Variants in CASK observed in about 807,000 individuals in gnomAD.
CASK encodes calcium/calmodulin dependent serine protein kinase.
Under a neutral mutation model 82.9 loss-of-function variants are expected in CASK, and 4 were observed. The observed-to-expected ratio is 0.05, with a 90% confidence interval of 0.02 to 0.11. The LOEUF is 0.11. Ranked by LOEUF, CASK falls within the 10% of genes least tolerant of loss-of-function variation. CASK has a pLI of 1.00. For synonymous variants in CASK, 259 were observed against 253.5 expected, an observed-to-expected ratio of 1.02 and a Z score of -0.20; for missense variants, 358 against 720.9, an observed-to-expected ratio of 0.50 and a Z score of 5.76.
Position 41,896,838 on chromosome X carries a change from T to C in CASK, c.59+26092A>G, listed in dbSNP as rs756502852. 7.2e-5 allele frequency among the ~76,000 whole-genome samples: 8 copies of C among 111,850 alleles called. No homozygotes were observed. The South Asian group carries it at 1.9e-3, about 26-fold the overall frequency. ...TTATTTTCAAATGTACAATAAATTATTGTTGACTGTAATCACCCTGTTGTG... is the reference window on the plus strand; with the variant it reads ...TTATTTTCAAATGTACAATAAATTACTGTTGACTGTAATCACCCTGTTGTG... On this transcript the variant is annotated intron_variant, in intron 1 of 26. Coordinates refer to ENST00000378163, the MANE Select transcript of CASK (RefSeq NM_001367721.1).
intron 4 of CASK, among the ~76,000 whole-genome samples, chrX:41,741,359 T>G (rs2068595095): frequency 8.9e-6 from 1 of 112,155 alleles, no homozygotes; most frequent in African/African-American, 3.2e-5. Flanking sequence ...ATATTATTAT[T>G]GTTAAGTTCA....
chrX:41,686,834 G>T (rs954940849), intron 5 of CASK, among the ~76,000 whole-genome samples: 1 of 111,880 alleles, frequency 8.9e-6, no homozygotes, highest in African/African-American at 3.2e-5. Context: ...CACCAAACAA[G>T]CGTATACATT....
At chrX:41,638,445 T>C (rs781775434) in intron 8 of CASK, among the ~76,000 whole-genome samples, 1 of 110,594 alleles carries the variant, frequency 9.0e-6, no homozygotes, top group African/African-American at 3.3e-5. Context: ...CCCAGCTACT[T>C]GGGAGGCTGA....
At chrX:41,910,963 T>G (rs2072553882) in intron 1 of CASK, among the ~76,000 whole-genome samples, 1 of 111,917 alleles carries the variant, frequency 8.9e-6, no homozygotes, top group African/African-American at 3.2e-5. Flanking sequence ...AAATGTTATG[T>G]ATGTTGATTA....
chrX:41,758,041 T>C (rs746628629), intron 3 of CASK, among the ~76,000 whole-genome samples: 9 of 112,354 alleles, frequency 8.0e-5, no homozygotes, highest in Non-Finnish European at 1.7e-4. Flanking sequence ...TTTCATTCAG[T>C]ATTCAATCAT....
intron 18 of CASK, chrX:41,559,577 G>C (rs2065199320): frequency 4.3e-6 from 2 of 462,491 alleles, no homozygotes; most frequent in Non-Finnish European, 7.8e-6. Context: ...AAAGTTCAAA[G>C]TGCTGAGGAG....
At chrX:41,644,944 G>C (rs1261132173) in intron 8 of CASK, among the ~76,000 whole-genome samples, 1 of 111,549 alleles carries the variant, frequency 9.0e-6, no homozygotes, top group Non-Finnish European at 1.9e-5. Flanking sequence ...AATGACAATA[G>C]TGCCTGAAAC....
At chrX:41,848,479 T>A (rs775427551) in intron 2 of CASK, among the ~76,000 whole-genome samples, 2 of 111,920 alleles carry the variant, frequency 1.8e-5, no homozygotes, top group South Asian at 7.5e-4. Context: ...TGCCAGGTGA[T>A]CTCTGTACAC....
At chrX:41,883,623 G>A (rs1002386254) in intron 1 of CASK, among the ~76,000 whole-genome samples, 32 of 111,198 alleles carry the variant, frequency 2.9e-4, no homozygotes, top group African/African-American at 1.0e-3. Flanking sequence ...GAAAAATATC[G>A]ACATTTTTTG....
intron 21 of CASK, among the ~76,000 whole-genome samples, chrX:41,546,490 CAG>C (rs1043776891): frequency 8.9e-6 from 1 of 112,115 alleles, no homozygotes; most frequent in African/African-American, 3.2e-5. Context: ...TTTTTTAAGA[CAG>C]AGTCTCTCTC....
chrX:41,767,022 A>C (rs2069128262), intron 3 of CASK, among the ~76,000 whole-genome samples: 1 of 112,547 alleles, frequency 8.9e-6, no homozygotes, highest in Admixed American at 9.4e-5. Flanking sequence ...ACTGTCTTGT[A>C]AATAAAAATC....
intron 1 of CASK, among the ~76,000 whole-genome samples, chrX:41,881,779 A>C (rs1181267072): frequency 3.6e-5 from 4 of 111,757 alleles, no homozygotes; most frequent in Non-Finnish European, 7.5e-5. Flanking sequence ...GAAATCATTC[A>C]ATTTATTATT....
intron 2 of CASK, among the ~76,000 whole-genome samples, chrX:41,842,521 C>T (rs1270743177): frequency 2.8e-5 from 3 of 107,307 alleles, no homozygotes; most frequent in South Asian, 4.2e-4. Context: ...TGCAGTGAGC[C>T]GAGATTGCAC....
intron 8 of CASK, among the ~76,000 whole-genome samples, chrX:41,652,199 T>C (rs902829276): frequency 9.0e-5 from 10 of 110,555 alleles, no homozygotes; most frequent in Admixed American, 4.8e-4. Context: ...GCTGATATGA[T>C]GGGAATGGAG....
At chrX:41,592,928 A>G (rs1023042507) in intron 12 of CASK, among the ~76,000 whole-genome samples, 2 of 111,972 alleles carry the variant, frequency 1.8e-5, no homozygotes, top group Admixed American at 1.9e-4. Flanking sequence ...CATAGGTGGC[A>G]CACAAGTGCC....
rs759229629 is a variant in CASK at position 41,585,260 on chromosome X, C to G, written c.1314+1647G>C. The stretch of plus-strand genomic sequence containing the variant: ...ATCTACAGGCATTAGAACCTGTATC[C>G]TAATTGTATTTCACTGGACAGTGCT... On this transcript the variant is annotated intron_variant, in intron 14 of 26. Transcript: ENST00000378163. 1.6e-3 allele frequency: 175 copies of G among 112,829 alleles called. 1 individual carries two copies. Among genetic ancestry groups the G allele is most frequent in the African/African-American group, 5.4e-3 (169 of 31,119 alleles). 9.3% of individuals were successfully genotyped at this position (112,829 alleles called of 1,213,427 possible).
At chrX:41,831,985 T>A (rs56133312) in intron 2 of CASK, among the ~76,000 whole-genome samples, 1 of 107,204 alleles carries the variant, frequency 9.3e-6, no homozygotes, top group South Asian at 4.0e-4. Context: ...AATAAATAAA[T>A]AAAAAAGCAA....
At chrX:41,770,358 A>G (rs1325395243) in intron 3 of CASK, among the ~76,000 whole-genome samples, 1 of 107,011 alleles carries the variant, frequency 9.3e-6, no homozygotes, top group Non-Finnish European at 1.9e-5. Flanking sequence ...CCATCCATCC[A>G]TCCGTTTTTT....
intron 9 of CASK, among the ~76,000 whole-genome samples, chrX:41,633,227 T>G (rs1230896603): frequency 9.0e-6 from 1 of 111,014 alleles, no homozygotes; most frequent in African/African-American, 3.3e-5. Context: ...TGCTTCTATT[T>G]GTATAGAATT....
Sources: gnomAD v4.1 joint callset for allele counts (sites outside exome capture counted in the v4.1 genomes callset) on GRCh38, gnomAD v4.1.1 for gene constraint, MANE v1.5 for transcripts, NCBI Gene and HGNC (gene_info 2026-07-23, HGNC 2026-07-21) for gene names.